Variants in ATP6V0E1 observed in about 807,000 individuals in gnomAD.
ATP6V0E1 encodes V-type proton ATPase subunit e 1.
A neutral mutation model predicts 11.6 loss-of-function variants in ATP6V0E1; 4 were observed. That is an observed-to-expected ratio of 0.35 (90% CI 0.17 to 0.79). The LOEUF is 0.79. ATP6V0E1 is among the 30% of genes least tolerant of loss of function. The pLI is 0.54. For synonymous variants in ATP6V0E1, 36 were observed against 34.8 expected, an observed-to-expected ratio of 1.04 and a Z score of -0.13; for missense variants, 105 against 100.0, an observed-to-expected ratio of 1.05 and a Z score of -0.21.
intron 3 of ATP6V0E1, among the ~76,000 whole-genome samples, chr5:173,033,256 C>T (rs1756692216): frequency 6.6e-6 from 1 of 152,080 alleles, no homozygotes; most frequent in South Asian, 2.1e-4. Flanking sequence ...TGTGTGTCAT[C>T]GTGCTGTAGA....
chr5:173,009,849 T>G (rs1756292581), intron 2 of ATP6V0E1, among the ~76,000 whole-genome samples: 2 of 150,426 alleles, frequency 1.3e-5, no homozygotes, highest in African/African-American at 4.9e-5. Context: ...CTGCAACCTC[T>G]GCCTCCCGGG....
At chr5:173,024,408 T>G (rs1435299003) in intron 3 of ATP6V0E1, among the ~76,000 whole-genome samples, 5 of 152,076 alleles carry the variant, frequency 3.3e-5, no homozygotes, top group Admixed American at 1.3e-4. Context: ...TGTTGTTGTT[T>G]TTTGTCTGTG....
At chr5:173,011,372 CG>C (rs1356887143) in intron 2 of ATP6V0E1, among the ~76,000 whole-genome samples, 1 of 151,716 alleles carries the variant, frequency 6.6e-6, no homozygotes, top group Non-Finnish European at 1.5e-5. Flanking sequence ...TTTATAGAGA[CG>C]GGGTCTCGCC....
intron 2 of ATP6V0E1, among the ~76,000 whole-genome samples, chr5:172,999,980 T>G (rs1247081014): frequency 6.6e-6 from 1 of 151,734 alleles, no homozygotes; most frequent in Non-Finnish European, 1.5e-5. Flanking sequence ...CACAAAAGAG[T>G]GAGATTCTAT....
chr5:173,031,990 C>CA (rs905571220), intron 3 of ATP6V0E1, among the ~76,000 whole-genome samples: 26 of 150,332 alleles, frequency 1.7e-4, no homozygotes, highest in African/African-American at 5.9e-4. Flanking sequence ...ACAACAACAA[C>CA]AAAAAATACA....
At chr5:172,996,483 A>G (rs1581626192) in intron 2 of ATP6V0E1, among the ~76,000 whole-genome samples, 1 of 151,324 alleles carries the variant, frequency 6.6e-6, no homozygotes, top group African/African-American at 2.4e-5. Flanking sequence ...AATCACTTGA[A>G]CCCTGGAGGC....
chr5:173,021,867 C>G (rs1182630206), intron 3 of ATP6V0E1, among the ~76,000 whole-genome samples: 1 of 151,958 alleles, frequency 6.6e-6, no homozygotes, highest in East Asian at 1.9e-4. Flanking sequence ...AAACCCATCT[C>G]TACTAAAAAT....
chr5:173,001,204 G>A lies in ATP6V0E1; in HGVS notation c.152+6382G>A, dbSNP rs113115431. On this transcript the variant is annotated intron_variant, in intron 2 of 3. Transcript: ENST00000519374. ...AATTAGCCGGGCGTAATGGCACAGT[G>A]TAGCAGTGAATAAACAAAGTAGACA... is the stretch of plus-strand genomic sequence containing the variant. Among the ~76,000 whole-genome samples the A allele has an allele frequency of 3.7e-3, 564 of 152,202 alleles. 2 individuals carry two copies. The highest frequency in any genetic ancestry group is 0.013 in the African/African-American group (540 of 41,548).
chr5:173,030,269 C>T (rs565622639), intron 3 of ATP6V0E1, among the ~76,000 whole-genome samples: 3 of 152,180 alleles, frequency 2.0e-5, no homozygotes, highest in African/African-American at 7.2e-5. Flanking sequence ...AATATATAGC[C>T]TTACATATCA....
chr5:173,021,271 C>T (rs968477791), intron 3 of ATP6V0E1, among the ~76,000 whole-genome samples: 3 of 150,640 alleles, frequency 2.0e-5, no homozygotes, highest in Admixed American at 6.6e-5. Flanking sequence ...CCCATTTTCA[C>T]GCTGCTGATA....
Position 173,034,492 on chromosome 5 carries a change from C to T in ATP6V0E1, c.*130C>T, listed in dbSNP as rs774331559. On this transcript the variant is annotated 3_prime_UTR_variant, in exon 4 of 4. Transcript: ENST00000519374. ...TGTTTTGGCCATTAGCTGCCTTAAACGTTAACAGCACATTTGAATGCCTTA... is the reference window on the plus strand; with the variant it reads ...TGTTTTGGCCATTAGCTGCCTTAAATGTTAACAGCACATTTGAATGCCTTA... The T allele has an allele frequency of 4.3e-6, 3 of 701,300 alleles. No homozygotes were observed. Among genetic ancestry groups the T allele is most frequent in the South Asian group, 1.5e-5 (1 of 67,554 alleles). 43.4% of individuals were successfully genotyped at this position (701,300 alleles called of 1,614,324 possible).
intron 3 of ATP6V0E1, among the ~76,000 whole-genome samples, chr5:173,028,520 G>A (rs2113615278): frequency 6.6e-6 from 1 of 152,292 alleles, no homozygotes; most frequent in Non-Finnish European, 1.5e-5. Flanking sequence ...GTATTCAACA[G>A]AGAAAAATGA....
At chr5:173,015,520 C>G (rs1756387179) in intron 2 of ATP6V0E1, among the ~76,000 whole-genome samples, 1 of 152,108 alleles carries the variant, frequency 6.6e-6, no homozygotes, top group Non-Finnish European at 1.5e-5. Context: ...AGGGGCTGAA[C>G]CTTAAACTGA....
intron 2 of ATP6V0E1, among the ~76,000 whole-genome samples, chr5:172,997,505 G>A (rs954359786): frequency 6.6e-6 from 1 of 152,094 alleles, no homozygotes; most frequent in African/African-American, 2.4e-5. Context: ...CACAAAATTG[G>A]AAGTGAAAGA....
rs528710543 is a variant in ATP6V0E1, at chr5:173,026,100, A to G, written c.*36+5733A>G. 4.4e-4 allele frequency among the ~76,000 whole-genome samples: 67 copies of G among 152,172 alleles called. 1 individual carries two copies. Among genetic ancestry groups the G allele is most frequent in the African/African-American group, 1.6e-3 (67 of 41,518 alleles). On this transcript the variant is annotated intron_variant, in intron 3 of 3. Coordinates refer to ENST00000519374, the MANE Select transcript of ATP6V0E1 (RefSeq NM_003945.4). ...CAACCTCCGCTTCCTGGCTCAAGCAATTCTCCCACCTCAGCATCCTGAGTA... is the reference window on the plus strand; with the variant it reads ...CAACCTCCGCTTCCTGGCTCAAGCAGTTCTCCCACCTCAGCATCCTGAGTA...
At chr5:172,988,833 C>T (rs961883147) in intron 1 of ATP6V0E1, among the ~76,000 whole-genome samples, 6 of 152,230 alleles carry the variant, frequency 3.9e-5, no homozygotes, top group Admixed American at 3.3e-4. Flanking sequence ...GGACTACAGG[C>T]GCACGTCACC....
chr5:172,984,598 G>A (rs1444835847), intron 1 of ATP6V0E1, among the ~76,000 whole-genome samples: 1 of 152,262 alleles, frequency 6.6e-6, no homozygotes, highest in Admixed American at 6.5e-5. Context: ...GAAGTGCTTA[G>A]AATGATTGGC....
At chr5:173,013,318 G>C (rs1183884964) in intron 2 of ATP6V0E1, among the ~76,000 whole-genome samples, 1 of 152,196 alleles carries the variant, frequency 6.6e-6, no homozygotes, top group East Asian at 1.9e-4. Flanking sequence ...GCTCACGCCT[G>C]TAATCCCAGC....
intron 2 of ATP6V0E1, among the ~76,000 whole-genome samples, chr5:173,014,455 C>T (rs1051599172): frequency 1.3e-5 from 2 of 152,140 alleles, no homozygotes; most frequent in Non-Finnish European, 2.9e-5. Context: ...GTAGCAGAGA[C>T]AGAGAATCAA....
Sources: allele counts gnomAD v4.1 joint callset (sites outside exome capture counted in the v4.1 genomes callset), GRCh38; gene constraint gnomAD v4.1.1; transcripts MANE v1.5; gene names NCBI Gene and HGNC (gene_info 2026-07-23, HGNC 2026-07-21).